LMO7: variants seen among roughly 807,000 people sequenced by gnomAD.
LMO7 encodes LIM domain 7, also known as LIM domain only protein 7.
Under a neutral mutation model 206.5 loss-of-function variants are expected in LMO7, and 120 were observed. The ratio of observed to expected loss-of-function variants is 0.58; its 90% CI spans 0.50 to 0.68. The LOEUF (loss-of-function observed/expected upper bound fraction) is 0.68, where lower values mean the gene tolerates loss of function less well. Among genes scored for constraint, LMO7 ranks in the 30% least tolerant of loss-of-function variants. LMO7 has a pLI of 0.00. For missense variants in LMO7, 1,959 were observed against 1,957.9 expected, an observed-to-expected ratio of 1.00 and a Z score of -0.01; for synonymous variants, 706 against 681.5, an observed-to-expected ratio of 1.04 and a Z score of -0.56.
intron 4 of LMO7, among the ~76,000 whole-genome samples, chr13:75,767,428 T>C (rs1399303281): frequency 2.0e-5 from 3 of 152,068 alleles, no homozygotes; most frequent in African/African-American, 7.2e-5. Flanking sequence ...CATTGGAAAG[T>C]AATTTTTTAT....
chr13:75,826,364 G>T (rs531400021), intron 15 of LMO7, among the ~76,000 whole-genome samples: 2 of 152,012 alleles, frequency 1.3e-5, no homozygotes. Flanking sequence ...TTCTATCCTG[G>T]CTTCCACTAT....
At chr13:75,838,449 T>A in intron 20 of LMO7, 9 of 553,078 alleles carry the variant, frequency 1.6e-5, no homozygotes, top group Non-Finnish European at 2.1e-5. Flanking sequence ...TTTTTTTAAC[T>A]TTGTAAAAAA....
intron 1 of LMO7, among the ~76,000 whole-genome samples, chr13:75,669,486 C>T (rs544560012): frequency 5.3e-5 from 8 of 152,054 alleles, no homozygotes; most frequent in Middle Eastern, 3.4e-3. Context: ...AGAAGTAAAT[C>T]GGAGATGCGA....
chr13:75,730,564 CCT>C (rs940702859), intron 3 of LMO7, among the ~76,000 whole-genome samples: 1 of 150,260 alleles, frequency 6.7e-6, no homozygotes, highest in Non-Finnish European at 1.5e-5. Flanking sequence ...TTTTGTTGAT[CCT>C]TTCAAAAAAC....
intron 4 of LMO7, among the ~76,000 whole-genome samples, chr13:75,770,161 GT>G (rs2049436802): frequency 7.5e-6 from 1 of 132,700 alleles, no homozygotes; most frequent in Non-Finnish European, 1.6e-5. Context: ...CTGAATCCTT[GT>G]TTGTTTTGGT....
Position 75,727,053 on chromosome 13 carries a change from C to T in LMO7, c.165C>T (p.Gly55=), listed in dbSNP as rs73536580. The change falls in exon 3 of 31, where the codon GGC becomes GGT. Residue 55 remains glycine (G), a synonymous_variant. Coordinates refer to ENST00000377534, the MANE Select transcript of LMO7 (RefSeq NM_001306080.2). ...LCDLINKLKP[G]VIKKINRLST... ...GTTTGATTAATAAGCTTAAACCTGG[C>T]GTCATTAAGAAGATCAATAGACTGT... 5.7e-6 allele frequency: 9 copies of T among 1,585,578 alleles called. No homozygotes were observed. Among genetic ancestry groups the T allele is most frequent in the East Asian group, 2.2e-5 (1 of 44,564 alleles).
At chr13:75,643,890 C>G (rs1299014726) in intron 1 of LMO7, among the ~76,000 whole-genome samples, 1 of 152,156 alleles carries the variant, frequency 6.6e-6, no homozygotes, top group Non-Finnish European at 1.5e-5. Context: ...GTACAGAATG[C>G]TCAGTTTGGT....
chr13:75,849,480 T>A (rs1367037759), intron 27 of LMO7, among the ~76,000 whole-genome samples, 188 bp downstream of exon 27: 1 of 151,280 alleles, frequency 6.6e-6, no homozygotes, highest in African/African-American at 2.4e-5. Context: ...GGATAATAAT[T>A]CTGGCTGTTT....
intron 11 of LMO7, chr13:75,816,950 C>A: frequency 2.4e-6 from 1 of 413,866 alleles, no homozygotes; most frequent in African/African-American, 2.0e-5. Context: ...GCTAATCTAG[C>A]CATTTTGTGA....
chr13:75,700,149 A>C (rs1427242393), intron 1 of LMO7, among the ~76,000 whole-genome samples: 1 of 152,226 alleles, frequency 6.6e-6, no homozygotes, highest in Non-Finnish European at 1.5e-5. Context: ...GGATGCCCAG[A>C]TTTCATATTG....
Position 75,766,385 on chromosome 13 carries a change from A to T in LMO7, c.317+5347A>T, listed in dbSNP as rs1258700600. 2.6e-5 allele frequency among the ~76,000 whole-genome samples: 4 copies of T among 151,998 alleles called. No individual in the cohort carries two copies. The East Asian group carries it at 7.8e-4, about 29-fold the overall frequency. ...ATTGGGGGTATGTATGCTTAAATCTATTTCTGGAGCTACAGAGTAGAAAAT... is the reference window on the plus strand; with the variant it reads ...ATTGGGGGTATGTATGCTTAAATCTTTTTCTGGAGCTACAGAGTAGAAAAT... On this transcript the variant is annotated intron_variant, in intron 4 of 30. Coordinates refer to ENST00000377534, the MANE Select transcript of LMO7 (RefSeq NM_001306080.2).
intron 1 of LMO7, among the ~76,000 whole-genome samples, chr13:75,671,268 A>G (rs1308254572): frequency 6.6e-6 from 1 of 151,580 alleles, no homozygotes; most frequent in Non-Finnish European, 1.5e-5. Flanking sequence ...TAACATAACT[A>G]TTATCATTAT....
chr13:75,651,969 G>T (rs1322897367), intron 1 of LMO7, among the ~76,000 whole-genome samples: 1 of 152,136 alleles, frequency 6.6e-6, no homozygotes, highest in Non-Finnish European at 1.5e-5. Flanking sequence ...AGCAGAGTGT[G>T]TCACTGCCTC....
intron 27 of LMO7, among the ~76,000 whole-genome samples, chr13:75,850,998 C>T (rs2060455572): frequency 6.6e-6 from 1 of 152,062 alleles, no homozygotes; most frequent in South Asian, 2.1e-4. Flanking sequence ...TTTGGGCTAC[C>T]CCATGGCATG....
At chr13:75,819,685 C>T (rs767284379) in intron 13 of LMO7, 150 bp downstream of exon 13, 93 of 760,542 alleles carry the variant, frequency 1.2e-4, no homozygotes, top group Non-Finnish European at 1.5e-4. Flanking sequence ...TTTTGGTCTG[C>T]GGTGAAAAAA....
At chr13:75,724,057 C>T (rs1210218139) in intron 2 of LMO7, among the ~76,000 whole-genome samples, 5 of 152,094 alleles carry the variant, frequency 3.3e-5, no homozygotes, top group African/African-American at 9.7e-5. Context: ...ACTCTCATGA[C>T]CTAATCACCT....
In LMO7 at chr13:75,836,545, G is replaced by T. The variant is rs2059140077; in HGVS notation, c.3394+88G>T. On this transcript the variant is annotated intron_variant, in intron 19 of 30. Transcript: ENST00000377534. Reference sequence around the variant, plus strand: ...CTGTTATAAAAATTAATATCTGTGAGTGAAAGAAAAAGTGATCCACTGCAA... The same window carrying T: ...CTGTTATAAAAATTAATATCTGTGATTGAAAGAAAAAGTGATCCACTGCAA... 6 of 724,796 alleles carry T rather than the reference G, an allele frequency of 8.3e-6. No homozygotes were observed. The East Asian group carries it at 1.9e-4, about 22-fold the overall frequency. 44.9% of individuals were successfully genotyped at this position (724,796 alleles called of 1,614,324 possible). A position where few individuals can be genotyped will look rare whatever the true frequency, so the allele number is the denominator to read the frequency against.
At chr13:75,767,334 A>G (rs2049033190) in intron 4 of LMO7, among the ~76,000 whole-genome samples, 1 of 152,108 alleles carries the variant, frequency 6.6e-6, no homozygotes. Flanking sequence ...TTTCCGGTAG[A>G]AAAACATGGT....
chr13:75,785,472 T>C (rs2052276159), intron 4 of LMO7, among the ~76,000 whole-genome samples: 1 of 152,142 alleles, frequency 6.6e-6, no homozygotes, highest in Admixed American at 6.5e-5. Context: ...AAGGCAATTA[T>C]TACAATTATT....
Sources: gnomAD v4.1 joint callset for allele counts (sites outside exome capture counted in the v4.1 genomes callset) on GRCh38, gnomAD v4.1.1 for gene constraint, MANE v1.5 for transcripts, NCBI Gene and HGNC (gene_info 2026-07-23, HGNC 2026-07-21) for gene names.